GALNT16: variants seen among roughly 807,000 people sequenced by gnomAD.
GALNT16 encodes polypeptide N-acetylgalactosaminyltransferase 16.
A neutral mutation model predicts 76.1 loss-of-function variants in GALNT16; 40 were observed. That is an observed-to-expected ratio of 0.53 (90% CI 0.41 to 0.68). The LOEUF (loss-of-function observed/expected upper bound fraction) is 0.68. Among genes scored for constraint, GALNT16 ranks in the 30% least tolerant of loss-of-function variants. The pLI, the probability that GALNT16 is intolerant of heterozygous loss-of-function variation, is 0.00. For synonymous variants in GALNT16, 276 were observed against 285.2 expected, an observed-to-expected ratio of 0.97 and a Z score of 0.32; for missense variants, 621 against 731.9, an observed-to-expected ratio of 0.85 and a Z score of 1.75.
intron 1 of GALNT16, among the ~76,000 whole-genome samples, chr14:69,303,902 G>A (rs1338154821): frequency 6.6e-6 from 1 of 152,032 alleles, no homozygotes; most frequent in Non-Finnish European, 1.5e-5. Flanking sequence ...AACAAAAATG[G>A]GATCAAAATG....
At chr14:69,362,513 T>C in the GALNT16 span, among the ~76,000 whole-genome samples, 1 of 152,242 alleles carries the variant, frequency 6.6e-6, no homozygotes. Context: ...TGTGTTGGAC[T>C]GCAGGGATAG....
chr14:69,372,806 T>C, the GALNT16 span, among the ~76,000 whole-genome samples: 3,220 of 152,328 alleles, frequency 0.021, 53 homozygotes, highest in Middle Eastern at 0.065. Context: ...AACTTCATTC[T>C]AATAAGCATT....
At chr14:69,335,946 AT>A (rs2045410187) in intron 9 of GALNT16, among the ~76,000 whole-genome samples, 1 of 152,118 alleles carries the variant, frequency 6.6e-6, no homozygotes, top group South Asian at 2.1e-4. Context: ...AACATAGATT[AT>A]GTTGCTTCTG....
chr14:69,325,253 G>T (rs1443882343), intron 3 of GALNT16, 84 bp from the exon 4 acceptor site: 12 of 845,604 alleles, frequency 1.4e-5, no homozygotes, highest in Admixed American at 1.2e-4. Flanking sequence ...TGGGCGGCTG[G>T]GGAGTCCCAC....
intron 1 of GALNT16, among the ~76,000 whole-genome samples, chr14:69,308,946 C>T (rs1385522554): frequency 6.6e-6 from 1 of 152,122 alleles, no homozygotes; most frequent in African/African-American, 2.4e-5. Flanking sequence ...TGAACTTTGC[C>T]AGATGAATTA....
chr14:69,294,013 C>G (rs2044721422), intron 1 of GALNT16, among the ~76,000 whole-genome samples: 1 of 152,124 alleles, frequency 6.6e-6, no homozygotes, highest in African/African-American at 2.4e-5. Context: ...GCCTCAGCCT[C>G]CTGAGTAGTT....
chr14:69,345,195 T>G (rs566807322), intron 12 of GALNT16, among the ~76,000 whole-genome samples: 40 of 152,342 alleles, frequency 2.6e-4, no homozygotes, highest in African/African-American at 9.4e-4. Flanking sequence ...TATTGCCAAC[T>G]AATTAAAAGC....
At chr14:69,359,462 CCTATT>C (rs1173612419), downstream of GALNT16, among the ~76,000 whole-genome samples, 12 of 152,284 alleles carry the variant, frequency 7.9e-5, no homozygotes, top group East Asian at 1.7e-3. Flanking sequence ...CTCCACCCTC[CCTATT>C]CATTAGTTGT....
rs530814989 is a variant in GALNT16, at chr14:69,261,755, C to T, written c.177+1288C>T. 5.3e-5 allele frequency among the ~76,000 whole-genome samples: 8 copies of T among 152,040 alleles called. No individual in the cohort carries two copies. The South Asian group carries it at 1.7e-3, about 32-fold the overall frequency. On this transcript the variant is annotated intron_variant, in intron 1 of 14. Transcript: ENST00000448469. This position sits in a 1 kb window ranked among gnomAD's most constrained non-coding sequence, Gnocchi z 6.4. The stretch of plus-strand genomic sequence containing the variant: ...CCCATCCTGCCCCAGATTCCGAGTC[C>T]CCTGCAAAGGAAACATTATTTCAGG...
the GALNT16 span, among the ~76,000 whole-genome samples, chr14:69,377,125 T>G: frequency 2.0e-5 from 3 of 152,208 alleles, no homozygotes; most frequent in African/African-American, 7.2e-5. Context: ...CCTGTGCTTT[T>G]GATTAAATTG....
chr14:69,345,903 T>C (rs1404503715), intron 12 of GALNT16, among the ~76,000 whole-genome samples: 3 of 152,136 alleles, frequency 2.0e-5, no homozygotes, highest in Admixed American at 1.3e-4. Context: ...ATTTATTTAC[T>C]TTGAGACAGG....
downstream of GALNT16, among the ~76,000 whole-genome samples, chr14:69,360,612 AAAG>A (rs573249613): frequency 4.2e-3 from 486 of 116,414 alleles, 3 homozygotes; most frequent in Non-Finnish European, 6.8e-3. Flanking sequence ...TCTAAAAAAA[AAAG>A]AAGAAGAAGA....
the GALNT16 span, among the ~76,000 whole-genome samples, chr14:69,376,821 G>T: frequency 6.6e-6 from 1 of 152,106 alleles, no homozygotes; most frequent in African/African-American, 2.4e-5. Flanking sequence ...GGAAGACATG[G>T]CCTTGTGTTT....
intron 1 of GALNT16, among the ~76,000 whole-genome samples, chr14:69,288,471 C>G (rs1215227989): frequency 6.6e-6 from 1 of 152,218 alleles, no homozygotes; most frequent in Non-Finnish European, 1.5e-5. Flanking sequence ...ACAGGAGGCC[C>G]ATGTGAAACA....
chr14:69,328,068 G>T (rs1046189030), intron 5 of GALNT16, among the ~76,000 whole-genome samples: 1 of 152,202 alleles, frequency 6.6e-6, no homozygotes, highest in Non-Finnish European at 1.5e-5. Flanking sequence ...GCTACACATA[G>T]GGGTATGGAT....
intron 1 of GALNT16, among the ~76,000 whole-genome samples, chr14:69,278,932 AT>A (rs532468111): frequency 0.13 from 18,047 of 143,862 alleles, 1,353 homozygotes; most frequent in African/African-American, 0.24. Flanking sequence ...CTTTACCTTA[AT>A]TTTTTTTTTT....
intron 5 of GALNT16, 147 bp downstream of exon 5, chr14:69,326,174 C>T: frequency 2.9e-6 from 2 of 698,718 alleles, no homozygotes; most frequent in Middle Eastern, 6.6e-4. Flanking sequence ...GCAGAAGACT[C>T]TCCTCCTTCC....
chr14:69,334,561 A>G (rs2045394161), intron 9 of GALNT16, among the ~76,000 whole-genome samples: 1 of 152,172 alleles, frequency 6.6e-6, no homozygotes, highest in Admixed American at 6.5e-5. Flanking sequence ...GATAGAGGGA[A>G]CCATAGGGAC....
chr14:69,309,457 A>T (rs1030023440), intron 1 of GALNT16, among the ~76,000 whole-genome samples: 1 of 151,830 alleles, frequency 6.6e-6, no homozygotes, highest in African/African-American at 2.4e-5. Context: ...ACGCACCATC[A>T]TACCTGGATT....
Sources: allele counts gnomAD v4.1 joint callset (sites outside exome capture counted in the v4.1 genomes callset), GRCh38; gene constraint gnomAD v4.1.1; non-coding constraint Gnocchi (gnomAD v3.1); transcripts MANE v1.5; gene names NCBI Gene and HGNC (gene_info 2026-07-23, HGNC 2026-07-21).